The following TECPR2 variants were observed in gnomAD, a reference collection of about 807,000 sequenced individuals.
The protein encoded by TECPR2 is tectonin beta-propeller repeat-containing protein 2.
Under a neutral mutation model 138.1 loss-of-function variants are expected in TECPR2, and 65 were observed. That is an observed-to-expected ratio of 0.47 (90% CI 0.39 to 0.58). TECPR2 has a LOEUF of 0.58. Among genes scored for constraint, TECPR2 ranks in the 20% least tolerant of loss-of-function variants. The pLI is 0.00. For synonymous variants in TECPR2, 746 were observed against 749.8 expected, an observed-to-expected ratio of 0.99 and a Z score of 0.08; for missense variants, 1,553 against 1,824.5, an observed-to-expected ratio of 0.85 and a Z score of 2.71.
At chr14:102,450,760 C>A in intron 15 of TECPR2, 111 bp downstream of exon 15, 1 of 1,071,574 alleles carries the variant, frequency 9.3e-7, no homozygotes, top group South Asian at 1.4e-5. Context: ...GCCTCGGAGA[C>A]TGACCACGTG....
chr14:102,479,680 A>G (rs749385937), intron 17 of TECPR2, among the ~76,000 whole-genome samples: 2 of 152,138 alleles, frequency 1.3e-5, no homozygotes, highest in East Asian at 1.9e-4. Context: ...GAAGAAGCCA[A>G]TCCATGCTGG....
rs936896177 is a variant in TECPR2, at chr14:102,502,169, G to C, written c.*3912G>C. ...GCGCAGGACCTCACCGCGCCAGCGT[G>C]AAGTTCCCGGGCATGGTCATGAAAG... On this transcript the variant is annotated 3_prime_UTR_variant, in exon 20 of 20. Transcript: ENST00000359520. The C allele has an allele frequency of 6.6e-6, 1 of 152,330 alleles. No homozygotes were observed. Among genetic ancestry groups the C allele is most frequent in the African/African-American group, 2.4e-5 (1 of 41,476 alleles). The allele number at this position is 152,330 out of a possible 1,614,324, so 9.4% of individuals were successfully genotyped here.
intron 17 of TECPR2, among the ~76,000 whole-genome samples, chr14:102,480,023 C>CT (rs1027533530): frequency 1.6e-4 from 25 of 152,106 alleles, no homozygotes; most frequent in African/African-American, 5.5e-4. Flanking sequence ...TGTTTTTTGC[C>CT]TGTAGATTCA....
Position 102,498,846 on chromosome 14 carries a change from C to T in TECPR2, c.*589C>T. 1.6e-6 allele frequency: 1 copy of T among 632,264 alleles called. No homozygotes were observed. Among genetic ancestry groups the T allele is most frequent in the Non-Finnish European group, 3.0e-6 (1 of 338,220 alleles). The allele number at this position is 632,264 out of a possible 1,614,324, so 39.2% of individuals were successfully genotyped here. A position where few individuals can be genotyped will look rare whatever the true frequency, so the allele number is the denominator to read the frequency against. Reference sequence around the variant, plus strand: ...GCGCTGGCCATGCCAGGAGAGAACCCACGCACATGCACACCACAACACACA... The same window carrying T: ...GCGCTGGCCATGCCAGGAGAGAACCTACGCACATGCACACCACAACACACA... On this transcript the variant is annotated 3_prime_UTR_variant, in exon 20 of 20. Coordinates refer to ENST00000359520, the MANE Select transcript of TECPR2 (RefSeq NM_014844.5).
At chr14:102,431,072 G>A (rs2139724818) in intron 7 of TECPR2, among the ~76,000 whole-genome samples, 1 of 132,560 alleles carries the variant, frequency 7.5e-6, no homozygotes, top group African/African-American at 2.9e-5. Context: ...CGTGCAGGCT[G>A]GAGTGCAGTG....
intron 10 of TECPR2, 95 bp downstream of exon 10, chr14:102,438,300 C>G: frequency 7.0e-7 from 1 of 1,423,538 alleles, no homozygotes; most frequent in Non-Finnish European, 9.3e-7. Context: ...CAGGGCTCCC[C>G]TGCAGCAGCT....
chr14:102,442,972 C>T (rs547774738), intron 11 of TECPR2, among the ~76,000 whole-genome samples: 1 of 152,390 alleles, frequency 6.6e-6, no homozygotes, highest in Non-Finnish European at 1.5e-5. Context: ...TGGCCTGCCA[C>T]TGCCTTGCAG....
chr14:102,365,005 A>G (rs1046207414), intron 1 of TECPR2, among the ~76,000 whole-genome samples: 2 of 152,248 alleles, frequency 1.3e-5, no homozygotes, highest in African/African-American at 4.8e-5. Context: ...CTGTTACTCA[A>G]GATGCATGTT....
Position 102,499,301 on chromosome 14 carries a change from G to C in TECPR2, c.*1044G>C. On this transcript the variant is annotated 3_prime_UTR_variant, in exon 20 of 20. Coordinates refer to ENST00000359520, the MANE Select transcript of TECPR2 (RefSeq NM_014844.5). ...AAAACCAGATGCATCCTCAGAGGAC[G>C]AGTCTACTAATTATTGCCTTTGTTG... 1.6e-6 allele frequency: 1 copy of C among 623,424 alleles called. No homozygotes were observed. Among genetic ancestry groups the C allele is most frequent in the Non-Finnish European group, 2.9e-6 (1 of 342,506 alleles). The allele number at this position is 623,424 out of a possible 1,614,324, so 38.6% of individuals were successfully genotyped here. A position where few individuals can be genotyped will look rare whatever the true frequency, so the allele number is the denominator to read the frequency against.
chr14:102,455,182 G>T (rs1331390209), intron 16 of TECPR2, among the ~76,000 whole-genome samples: 1 of 152,232 alleles, frequency 6.6e-6, no homozygotes, highest in Non-Finnish European at 1.5e-5. Flanking sequence ...CTCATTGAGG[G>T]GTTGGGTGTG....
At chr14:102,390,803 A>AATATATATATATATAT (rs10570260) in intron 2 of TECPR2, among the ~76,000 whole-genome samples, 1 of 148,744 alleles carries the variant, frequency 6.7e-6, no homozygotes, top group African/African-American at 2.5e-5. Context: ...TCAGGGGAAG[A>AATATATATATATATAT]ATATATATAT....
At chr14:102,374,616 G>A (rs1887595387) in intron 1 of TECPR2, among the ~76,000 whole-genome samples, 2 of 152,156 alleles carry the variant, frequency 1.3e-5, no homozygotes, top group Non-Finnish European at 2.9e-5. Context: ...TGAAATATTT[G>A]TTTTAAAAGC....
At chr14:102,414,254 T>A (rs1826545381) in intron 4 of TECPR2, among the ~76,000 whole-genome samples, 1 of 152,198 alleles carries the variant, frequency 6.6e-6, no homozygotes, top group African/African-American at 2.4e-5. Context: ...ATACACACAG[T>A]GCAACAGATT....
Position 102,500,234 on chromosome 14 carries a change from G to A in TECPR2, c.*1977G>A, listed in dbSNP as rs185898689. 6.6e-6 allele frequency: 1 copy of A among 152,620 alleles called. No homozygotes were observed. The highest frequency in any genetic ancestry group is 6.5e-5 in the Admixed American group (1 of 15,298). The allele number at this position is 152,620 out of a possible 1,614,324, so 9.5% of individuals were successfully genotyped here. On this transcript the variant is annotated 3_prime_UTR_variant, in exon 20 of 20. Transcript: ENST00000359520. ...AGTGTCCTCAGCCGACACTCACGAGGGCAGTGCAAGGGAGAACCTGCCAGC... is the reference window on the plus strand; with the variant it reads ...AGTGTCCTCAGCCGACACTCACGAGAGCAGTGCAAGGGAGAACCTGCCAGC...
At position 102,420,576 on chromosome 14, in the gene TECPR2, G is replaced by A. The variant is rs773428535; in HGVS notation, c.639-4403G>A. On this transcript the variant is annotated intron_variant, in intron 5 of 19. Transcript: ENST00000359520. The surrounding 1 kb of genome is among the most constrained non-coding windows in gnomAD (Gnocchi z 4.1). ...CAGCCTTGAACAGCTGGGTTCAGGC[G>A]ATCCTCCTCCCTCAGCCTCCCGAGT... 7.9e-5 allele frequency among the ~76,000 whole-genome samples: 12 copies of A among 152,072 alleles called. No homozygotes were observed. Among genetic ancestry groups the A allele is most frequent in the Non-Finnish European group, 1.5e-4 (10 of 68,026 alleles).
chr14:102,490,523 C>A (rs1390527974), intron 17 of TECPR2, among the ~76,000 whole-genome samples: 1 of 152,194 alleles, frequency 6.6e-6, no homozygotes, highest in Non-Finnish European at 1.5e-5. Context: ...TCTGTTGAAA[C>A]CTCGGTGTAT....
chr14:102,499,509 G>A lies in TECPR2; in HGVS notation c.*1252G>A, dbSNP rs778113853. The A allele has an allele frequency of 6.4e-4, 291 of 455,206 alleles. 1 individual carries two copies. Among genetic ancestry groups the A allele is most frequent in the Non-Finnish European group, 1.0e-3 (263 of 250,608 alleles). 28.2% of individuals were successfully genotyped at this position (455,206 alleles called of 1,614,324 possible). On this transcript the variant is annotated 3_prime_UTR_variant, in exon 20 of 20. Transcript: ENST00000359520. The stretch of plus-strand genomic sequence containing the variant: ...TCCCCGCACAGACTTGACTGGCAGG[G>A]CGGTCACGGGACCTGCGGGCTGGCT...
At chr14:102,486,496 C>A (rs1025920520) in intron 17 of TECPR2, among the ~76,000 whole-genome samples, 5 of 152,178 alleles carry the variant, frequency 3.3e-5, no homozygotes, top group African/African-American at 1.2e-4. Flanking sequence ...TAAATAAAAT[C>A]TTGTACATAA....
At chr14:102,482,838 CTTTTTTTTTTTT>C (rs758301929) in intron 17 of TECPR2, among the ~76,000 whole-genome samples, 2 of 96,576 alleles carry the variant, frequency 2.1e-5, no homozygotes, top group Admixed American at 2.7e-4. Flanking sequence ...AGAAGCCTTT[CTTTTTTTTTTTT>C]TTTTTTTTTT....
Sources: gnomAD v4.1 joint callset for allele counts (sites outside exome capture counted in the v4.1 genomes callset) on GRCh38, gnomAD v4.1.1 for gene constraint, Gnocchi (gnomAD v3.1) non-coding constraint, MANE v1.5 for transcripts, NCBI Gene and HGNC (gene_info 2026-07-23, HGNC 2026-07-21) for gene names.